MAIP1: variants seen among roughly 807,000 people sequenced by gnomAD.
MAIP1 encodes m-AAA protease-interacting protein 1, mitochondrial.
In MAIP1, 28 loss-of-function variants were observed where a neutral mutation model predicts 31.2. The ratio of observed to expected loss-of-function variants is 0.90; its 90% CI spans 0.67 to 1.23. The LOEUF (loss-of-function observed/expected upper bound fraction) is 1.23, where lower values mean the gene tolerates loss of function less well. Ranked by LOEUF, MAIP1 falls within the 50% of genes most tolerant of loss-of-function variation. The pLI, the probability that MAIP1 is intolerant of heterozygous loss-of-function variation, is 0.00. For missense variants in MAIP1, 339 were observed against 356.0 expected (o/e 0.95, Z 0.38); for synonymous variants, 142 against 142.3 (o/e 1.00, Z 0.02).
At chr2:199,963,705 T>C (rs369624473) in intron 4 of MAIP1, 28 bp from the exon 5 acceptor site, 2 of 1,403,322 alleles carry the variant, frequency 1.4e-6, no homozygotes, top group South Asian at 1.2e-5. Flanking sequence ...TGATGTAAGA[T>C]TTACATTATT....
chr2:199,956,212 G>A lies in MAIP1; in HGVS notation c.414G>A (p.Glu138=), dbSNP rs1343374309. ...AFLIWAYFDK[E]FSITEFSEGA... is the part of the protein sequence containing the mutation. ...TTATCTGGGCCTATTTCGACAAAGA[G>A]TTCAGCATCACAGAGTTCTCCGAGG... The change falls in exon 1 of 5, where the codon GAG becomes GAA. Residue 138 remains glutamate (E), a synonymous_variant. Transcript: ENST00000392290. 6.2e-7 allele frequency: 1 copy of A among 1,613,954 alleles called. No homozygotes were observed. The highest frequency in any genetic ancestry group is 1.1e-5 in the South Asian group (1 of 91,086).
At position 199,961,947 on chromosome 2, in the gene MAIP1, C is replaced by T; in HGVS notation, c.797+19C>T. The T allele has an allele frequency of 2.5e-6, 4 of 1,594,480 alleles. No homozygotes were observed. The highest frequency in any genetic ancestry group is 3.4e-6 in the Non-Finnish European group (4 of 1,168,702). ...GCTATGAGTAAGTTTAATCAGATTT[C>T]ATTGTTTCCTTTCTTCAGAAAATGG... On this transcript the variant is annotated intron_variant, in intron 4 of 4. Coordinates refer to ENST00000392290, the MANE Select transcript of MAIP1 (RefSeq NM_001394955.1).
chr2:199,963,696 G>A, intron 4 of MAIP1, 37 bp from the exon 5 acceptor site: 1 of 1,266,882 alleles, frequency 7.9e-7, no homozygotes, highest in Non-Finnish European at 1.2e-6. Flanking sequence ...TACTTGGACT[G>A]ATGTAAGATT....
At chr2:199,961,983 G>A in intron 4 of MAIP1, 55 bp downstream of exon 4, 1 of 1,466,302 alleles carries the variant, frequency 6.8e-7, no homozygotes, top group South Asian at 1.3e-5. Context: ...AAGGTAGTGT[G>A]AAGGTATGAA....
In MAIP1 at chr2:199,961,782, A is replaced by G. The variant is rs538597471; in HGVS notation, c.651A>G (p.Gly217=). 23 of 1,609,628 alleles carry G rather than the reference A, an allele frequency of 1.4e-5. No homozygotes were observed. The African/African-American group carries it at 2.8e-4, about 20-fold the overall frequency. The change falls in exon 4 of 5, where the codon GGA becomes GGG. Residue 217 remains glycine, a splice_region_variant and synonymous_variant. Coordinates refer to ENST00000392290, the MANE Select transcript of MAIP1 (RefSeq NM_001394955.1). ...GTGTGTATATGTTTTTTCTCTAAGG[A>G]AGGAAGTTTGTTAACATCCTGATGT... ...GDISIYYDEK[G]RKFVNILMCF...
intron 4 of MAIP1, among the ~76,000 whole-genome samples, chr2:199,962,227 A>T (rs1357728478): frequency 6.6e-6 from 1 of 152,212 alleles, no homozygotes; most frequent in Non-Finnish European, 1.5e-5. Flanking sequence ...ACTGCTCAGA[A>T]ATTTTGGATA....
At chr2:199,963,628 C>T in intron 4 of MAIP1, 105 bp from the exon 5 acceptor site, 1 of 623,932 alleles carries the variant, frequency 1.6e-6, no homozygotes. Context: ...TAACCATTAT[C>T]TTGTTGCCAA....
chr2:199,961,335 G>A (rs958839822), intron 3 of MAIP1, among the ~76,000 whole-genome samples: 8 of 152,106 alleles, frequency 5.3e-5, no homozygotes, highest in Middle Eastern at 3.4e-3. Context: ...ATGGTGGTGC[G>A]TGCCTGTGGT....
chr2:199,960,007 T>C (rs184988090), intron 3 of MAIP1, 127 bp downstream of exon 3: 8 of 859,928 alleles, frequency 9.3e-6, no homozygotes, highest in Admixed American at 7.8e-5. Context: ...GAAAATGTTA[T>C]ATCCATTCTT....
intron 1 of MAIP1, among the ~76,000 whole-genome samples, chr2:199,957,862 A>G (rs1239802755): frequency 2.6e-5 from 4 of 152,190 alleles, no homozygotes; most frequent in Non-Finnish European, 5.9e-5. Context: ...CCACCTCATA[A>G]CACATATGAT....
chr2:199,957,584 CCAAT>C (rs1456793472), intron 1 of MAIP1, among the ~76,000 whole-genome samples: 3 of 152,004 alleles, frequency 2.0e-5, no homozygotes, highest in South Asian at 4.1e-4. Context: ...ATTTATAAGA[CCAAT>C]CAGTTGTAAA....
At chr2:199,963,582 G>C (rs2077647521) in intron 4 of MAIP1, 151 bp from the exon 5 acceptor site, 1 of 482,070 alleles carries the variant, frequency 2.1e-6, no homozygotes, top group Non-Finnish European at 3.7e-6. Flanking sequence ...GAATGGGTAG[G>C]TTAAACTTTT....
Position 199,961,771 on chromosome 2 carries a change from T to C in MAIP1, c.650-10T>C, listed in dbSNP as rs1468436695. ...TGTATTCGTATGTGTGTATATGTTT[T>C]TTCTCTAAGGAAGGAAGTTTGTTAA... is the stretch of plus-strand genomic sequence containing the variant. On this transcript the variant is annotated splice_polypyrimidine_tract_variant and intron_variant, in intron 3 of 4. Coordinates refer to ENST00000392290, the MANE Select transcript of MAIP1 (RefSeq NM_001394955.1). The C allele has an allele frequency of 1.2e-6, 2 of 1,606,886 alleles. No individual in the cohort carries two copies. Among genetic ancestry groups the C allele is most frequent in the East Asian group, 4.5e-5 (2 of 44,800 alleles).
At position 199,960,790 on chromosome 2, in the gene MAIP1, A is replaced by G. The variant is rs180844096; in HGVS notation, c.649+910A>G. Among the ~76,000 whole-genome samples, 16 of 152,294 alleles carry G rather than the reference A, an allele frequency of 1.1e-4. No homozygotes were observed. The East Asian group carries it at 2.1e-3, about 20-fold the overall frequency. On this transcript the variant is annotated intron_variant, in intron 3 of 4. Transcript: ENST00000392290. ...GATTTTGAGGGATGACTCTATTTGCATATGTATTATGTGCCAGCCACACAG... is the reference window on the plus strand; with the variant it reads ...GATTTTGAGGGATGACTCTATTTGCGTATGTATTATGTGCCAGCCACACAG...
intron 1 of MAIP1, among the ~76,000 whole-genome samples, chr2:199,958,266 T>C (rs569699815): frequency 1.3e-5 from 2 of 152,308 alleles, no homozygotes; most frequent in South Asian, 2.1e-4. Flanking sequence ...GCTCCTCTTA[T>C]AAGGATGCCA....
rs1365125700 is a variant in MAIP1, at chr2:199,955,607, C to G, written c.-192C>G. On this transcript the variant is annotated 5_prime_UTR_variant, in exon 1 of 5. Coordinates refer to ENST00000392290, the MANE Select transcript of MAIP1 (RefSeq NM_001394955.1). Reference sequence around the variant, plus strand: ...AGACTCCAGAGTGGCTGGGTCCGAGCGCGGGGCGGGTTGCCGAAGGGCCTC... The same window carrying G: ...AGACTCCAGAGTGGCTGGGTCCGAGGGCGGGGCGGGTTGCCGAAGGGCCTC... 1 of 1,281,572 alleles carries G rather than the reference C, an allele frequency of 7.8e-7. No individual in the cohort carries two copies. The highest frequency in any genetic ancestry group is 1.1e-6 in the Non-Finnish European group (1 of 943,104). The allele number at this position is 1,281,572 out of a possible 1,614,324, so 79.4% of individuals were successfully genotyped here. A position where few individuals can be genotyped will look rare whatever the true frequency, so the allele number is the denominator to read the frequency against.
intron 4 of MAIP1, among the ~76,000 whole-genome samples, chr2:199,963,219 G>A (rs1273144527): frequency 6.6e-6 from 1 of 151,932 alleles, no homozygotes; most frequent in Non-Finnish European, 1.5e-5. Flanking sequence ...CTAAGACTAT[G>A]GGTACTTCAT....
At chr2:199,959,373 A>G in intron 2 of MAIP1, 34 bp downstream of exon 2, 1 of 1,150,642 alleles carries the variant, frequency 8.7e-7, no homozygotes, top group Non-Finnish European at 1.3e-6. Flanking sequence ...TTTAAAAATA[A>G]ATGCTATTCT....
Position 199,963,965 on chromosome 2 carries a change from A to G in MAIP1, c.*154A>G. ...TCCTTGCAGTATATTGGCATGATAC[A>G]GTAAAAGCATTTTCCACAGATTGTT... On this transcript the variant is annotated 3_prime_UTR_variant, in exon 5 of 5. Coordinates refer to ENST00000392290, the MANE Select transcript of MAIP1 (RefSeq NM_001394955.1). 1 of 454,294 alleles carries G rather than the reference A, an allele frequency of 2.2e-6. No homozygotes were observed. The highest frequency in any genetic ancestry group is 3.4e-5 in the East Asian group (1 of 29,578). The allele number at this position is 454,294 out of a possible 1,614,324, so 28.1% of individuals were successfully genotyped here. A position where few individuals can be genotyped will look rare whatever the true frequency, so the allele number is the denominator to read the frequency against.
Sources: allele counts gnomAD v4.1 joint callset (sites outside exome capture counted in the v4.1 genomes callset), GRCh38; gene constraint gnomAD v4.1.1; transcripts MANE v1.5; gene names NCBI Gene and HGNC (gene_info 2026-07-23, HGNC 2026-07-21).